Variants in GNAO1 observed in about 807,000 individuals in gnomAD.
GNAO1 encodes G protein subunit alpha o1.
For synonymous variants in GNAO1, 164 were observed against 180.7 expected (o/e 0.91, Z 0.74); for missense variants, 166 against 478.7 (o/e 0.35, Z 6.10).
chr16:56,227,770 T>A (rs1341119655), intron 2 of GNAO1, among the ~76,000 whole-genome samples: 2 of 150,848 alleles, frequency 1.3e-5, no homozygotes, highest in Non-Finnish European at 1.5e-5. Flanking sequence ...TTTCCCTGGC[T>A]TTATTGGTAT....
At chr16:56,243,684 AT>A (rs74832023) in intron 2 of GNAO1, among the ~76,000 whole-genome samples, 19,618 of 149,914 alleles carry the variant, frequency 0.13, 1,604 homozygotes, top group African/African-American at 0.22. Context: ...CTACAGGGTT[AT>A]TTTTTTTTTA....
chr16:56,278,647 G>A (rs1455894046), intron 3 of GNAO1, among the ~76,000 whole-genome samples: 2 of 152,138 alleles, frequency 1.3e-5, no homozygotes, highest in African/African-American at 2.4e-5. Context: ...CAGCAAACAA[G>A]CCCACAAGTA....
At chr16:56,213,822 G>A (rs528149679) in intron 2 of GNAO1, among the ~76,000 whole-genome samples, 1 of 149,214 alleles carries the variant, frequency 6.7e-6, no homozygotes, top group African/African-American at 2.5e-5. Flanking sequence ...AGGTTTATAT[G>A]TCTGGAGTCA....
At chr16:56,352,133 C>T (rs549240901) in intron 7 of GNAO1, 1 of 153,190 alleles carries the variant, frequency 6.5e-6, no homozygotes, top group Non-Finnish European at 1.5e-5. Context: ...CCCCTTCTTC[C>T]TTCGTCCCTG....
At chr16:56,267,109 A>G (rs765305851) in intron 2 of GNAO1, among the ~76,000 whole-genome samples, 1 of 152,166 alleles carries the variant, frequency 6.6e-6, no homozygotes, top group Non-Finnish European at 1.5e-5. Flanking sequence ...GAAAGGAAAT[A>G]CAAGAGCAGA....
intron 2 of GNAO1, among the ~76,000 whole-genome samples, chr16:56,250,551 G>T (rs2036790216): frequency 6.6e-6 from 1 of 152,332 alleles, no homozygotes; most frequent in South Asian, 2.1e-4. Context: ...CTGATCCTGA[G>T]TATCAGTCAT....
chr16:56,344,382 A>G, intron 6 of GNAO1: 1 of 1,018,956 alleles, frequency 9.8e-7, no homozygotes, highest in East Asian at 8.8e-5. Flanking sequence ...GCCATCCTTC[A>G]GCTTTGCCTG....
At chr16:56,230,334 G>A (rs1476720082) in intron 2 of GNAO1, among the ~76,000 whole-genome samples, 8 of 152,088 alleles carry the variant, frequency 5.3e-5, no homozygotes, top group African/African-American at 1.2e-4. Flanking sequence ...CAGAGGAAGC[G>A]GGACATTCAC....
At chr16:56,319,493 G>A (rs1223351380) in intron 3 of GNAO1, among the ~76,000 whole-genome samples, 1 of 152,132 alleles carries the variant, frequency 6.6e-6, no homozygotes, top group Non-Finnish European at 1.5e-5. Flanking sequence ...TTGGAGCATG[G>A]GTTCTATCTC....
chr16:56,255,505 T>A (rs540716590), intron 2 of GNAO1: 1 of 152,356 alleles, frequency 6.6e-6, no homozygotes, highest in South Asian at 2.1e-4. Context: ...TCAGTCTTAC[T>A]CTTTTTTCCT....
intron 6 of GNAO1, chr16:56,340,607 T>A: frequency 9.5e-6 from 5 of 526,808 alleles, no homozygotes; most frequent in Non-Finnish European, 1.7e-5. Flanking sequence ...CCCCCAACCC[T>A]GCCCGGCCCT....
Position 56,301,931 on chromosome 16 carries a change from A to G in GNAO1, c.303+25859A>G, listed in dbSNP as rs908853082. The G allele has an allele frequency of 4.6e-5, 7 of 152,306 alleles. No homozygotes were observed. In the East Asian group the frequency reaches 1.2e-3, roughly 25 times the overall value. 9.4% of individuals were successfully genotyped at this position (152,306 alleles called of 1,614,324 possible). ...CTGAGACCCTAATAGGCCTGCTCCC[A>G]AATGACTGCTCACAGCGTTACTCCC... is the stretch of plus-strand genomic sequence containing the variant. On this transcript the variant is annotated intron_variant, in intron 3 of 8. Transcript: ENST00000262493.
chr16:56,321,775 G>A (rs2617839), intron 3 of GNAO1, among the ~76,000 whole-genome samples: 3 of 152,160 alleles, frequency 2.0e-5, no homozygotes, highest in East Asian at 1.9e-4. Flanking sequence ...ACCTGGTAGC[G>A]GTCACTGCTG....
intron 2 of GNAO1, among the ~76,000 whole-genome samples, chr16:56,265,837 G>C (rs1167816629): frequency 6.6e-6 from 1 of 152,080 alleles, no homozygotes; most frequent in African/African-American, 2.4e-5. Context: ...AAAAAATTTT[G>C]AGTAGTACAT....
chr16:56,308,751 G>A (rs1429512826), intron 3 of GNAO1, among the ~76,000 whole-genome samples: 1 of 152,160 alleles, frequency 6.6e-6, no homozygotes, highest in African/African-American at 2.4e-5. Context: ...CACGGGGCTG[G>A]GCGCCCAGAG....
chr16:56,266,812 A>G (rs2036958251), intron 2 of GNAO1, among the ~76,000 whole-genome samples: 1 of 152,164 alleles, frequency 6.6e-6, no homozygotes, highest in Non-Finnish European at 1.5e-5. Flanking sequence ...CTGTCAGTGA[A>G]TAGGAGACTC....
intron 2 of GNAO1, chr16:56,194,622 A>G (rs1266535401): frequency 5.6e-6 from 1 of 178,042 alleles, no homozygotes; most frequent in Non-Finnish European, 1.2e-5. Context: ...CGGCGGAGAG[A>G]GCCGAGCCGC....
chr16:56,299,361 G>T (rs2143579029), intron 3 of GNAO1, among the ~76,000 whole-genome samples: 1 of 152,368 alleles, frequency 6.6e-6, no homozygotes. Context: ...GGGCCCTGGG[G>T]CCTGCTTCCT....
intron 3 of GNAO1, among the ~76,000 whole-genome samples, chr16:56,316,528 C>T (rs150750594): frequency 3.0e-3 from 463 of 152,322 alleles, no homozygotes; most frequent in Middle Eastern, 0.01. Flanking sequence ...CATCTGGTGC[C>T]TCCAGGACCC....
Sources: gnomAD v4.1 joint callset for allele counts (sites outside exome capture counted in the v4.1 genomes callset) on GRCh38, gnomAD v4.1.1 for gene constraint, MANE v1.5 for transcripts, NCBI Gene and HGNC (gene_info 2026-07-23, HGNC 2026-07-21) for gene names.